PIWIL2: variants seen among roughly 807,000 people sequenced by gnomAD.
PIWIL2 encodes the protein piwi-like protein 2.
In PIWIL2, 81 loss-of-function variants were observed where a neutral mutation model predicts 116.5. That is an observed-to-expected ratio of 0.70 (90% CI 0.58 to 0.84). PIWIL2 has a LOEUF of 0.84. Ranked by LOEUF, PIWIL2 falls within the 40% of genes least tolerant of loss-of-function variation. The pLI is 0.00. For synonymous variants in PIWIL2, 489 were observed against 429.5 expected, an observed-to-expected ratio of 1.14 and a Z score of -1.71; for missense variants, 1,272 against 1,212.3, an observed-to-expected ratio of 1.05 and a Z score of -0.73.
chr8:22,300,606 A>G (rs1237198990), intron 10 of PIWIL2, among the ~76,000 whole-genome samples: 3 of 152,218 alleles, frequency 2.0e-5, no homozygotes, highest in Non-Finnish European at 4.4e-5. Context: ...GTACTGTTTT[A>G]CATTCCCACT....
intron 20 of PIWIL2, among the ~76,000 whole-genome samples, chr8:22,322,668 G>T (rs1362907967): frequency 6.6e-6 from 1 of 151,126 alleles, no homozygotes; most frequent in East Asian, 1.9e-4. Flanking sequence ...GTCCTTTTTT[G>T]TCCTGTCCTT....
chr8:22,281,180 C>A lies in PIWIL2; in HGVS notation c.259C>A (p.Pro87Thr), dbSNP rs140193081. 3.8e-4 allele frequency: 614 copies of A among 1,612,118 alleles called. No individual in the cohort carries two copies. The highest frequency in any genetic ancestry group is 4.3e-4 in the Non-Finnish European group (502 of 1,179,086). Residue 87 changes from proline (P) to threonine (T), a missense_variant, in exon 3 of 23, where the codon CCT becomes ACT. Physicochemically the swap from Pro to Thr is conservative, Grantham distance 38. Transcript: ENST00000356766. Reference protein sequence around the residue: ...GLGIETVSKTPLKREMLPSGR... With the variant: ...GLGIETVSKTTLKREMLPSGR... ...GGGCATTGAAACAGTTTCTAAGACC[C>A]CTCTGAAACGGGAAATGCTTCCATC...
rs972471027 is a variant in PIWIL2 at position 22,275,356 on chromosome 8, G to A, written c.-89G>A. On this transcript the variant is annotated 5_prime_UTR_variant, in exon 1 of 23. Coordinates refer to ENST00000356766, the MANE Select transcript of PIWIL2 (RefSeq NM_018068.5). ...TGGGTTGAGCTCGGTCTTCCCCTGAGGCCGCGCGGAGCTGGGCGACTGGGG... is the reference window on the plus strand; with the variant it reads ...TGGGTTGAGCTCGGTCTTCCCCTGAAGCCGCGCGGAGCTGGGCGACTGGGG... The A allele has an allele frequency of 6.6e-6, 1 of 152,582 alleles. No homozygotes were observed. The highest frequency in any genetic ancestry group is 2.4e-5 in the African/African-American group (1 of 41,466). 9.5% of individuals were successfully genotyped at this position (152,582 alleles called of 1,614,324 possible). A position where few individuals can be genotyped will look rare whatever the true frequency, so the allele number is the denominator to read the frequency against.
At chr8:22,346,873 C>T (rs1216861312) in intron 20 of PIWIL2, among the ~76,000 whole-genome samples, 1 of 151,728 alleles carries the variant, frequency 6.6e-6, no homozygotes, top group Non-Finnish European at 1.5e-5. Context: ...ATAGCAAGAT[C>T]CATCTCTAAG....
At chr8:22,316,777 C>T (rs997473875) in intron 19 of PIWIL2, among the ~76,000 whole-genome samples, 2 of 151,716 alleles carry the variant, frequency 1.3e-5, no homozygotes, top group Non-Finnish European at 2.9e-5. Flanking sequence ...CCATCATGCC[C>T]GGCTATGAAA....
chr8:22,308,857 A>C, intron 14 of PIWIL2, among the ~76,000 whole-genome samples: 1 of 151,924 alleles, frequency 6.6e-6, no homozygotes, highest in East Asian at 1.9e-4. Flanking sequence ...CCATGTTGCC[A>C]TGGCTGGTCT....
At chr8:22,317,050 G>T (rs956191049) in intron 19 of PIWIL2, among the ~76,000 whole-genome samples, 1 of 152,176 alleles carries the variant, frequency 6.6e-6, no homozygotes, top group African/African-American at 2.4e-5. Context: ...AAAGTGCTGG[G>T]ATTACAGGCA....
chr8:22,338,282 A>G (rs892436380), intron 20 of PIWIL2, among the ~76,000 whole-genome samples: 4 of 152,220 alleles, frequency 2.6e-5, no homozygotes, highest in African/African-American at 9.6e-5. Flanking sequence ...ACCTGCCAGA[A>G]CTAGTAAGCA....
At chr8:22,303,139 G>C (rs927925298) in intron 10 of PIWIL2, among the ~76,000 whole-genome samples, 1 of 152,188 alleles carries the variant, frequency 6.6e-6, no homozygotes, top group African/African-American at 2.4e-5. Context: ...TGAATATAAA[G>C]GGCAGCAGGA....
chr8:22,350,286 CA>C (rs201370978), intron 20 of PIWIL2, among the ~76,000 whole-genome samples: 1 of 151,656 alleles, frequency 6.6e-6, no homozygotes, highest in South Asian at 2.1e-4. Context: ...GCTGGAAAGC[CA>C]AAAAAAATTT....
chr8:22,344,461 C>G (rs1832179851), intron 20 of PIWIL2, among the ~76,000 whole-genome samples: 1 of 152,132 alleles, frequency 6.6e-6, no homozygotes, highest in African/African-American at 2.4e-5. Flanking sequence ...GAACTCTGTT[C>G]TATTGCCTCA....
At chr8:22,331,145 CAG>C (rs2132079013) in intron 20 of PIWIL2, among the ~76,000 whole-genome samples, 1 of 152,134 alleles carries the variant, frequency 6.6e-6, no homozygotes, top group Non-Finnish European at 1.5e-5. Flanking sequence ...CAATGCAGTC[CAG>C]CCTAAGCTAC....
chr8:22,277,030 TA>T (rs535828543), intron 1 of PIWIL2, among the ~76,000 whole-genome samples: 6,659 of 120,812 alleles, frequency 0.055, 267 homozygotes, highest in African/African-American at 0.13. Flanking sequence ...TATATATATA[TA>T]TATTTTTTTT....
Position 22,355,431 on chromosome 8 carries a change from C to G in PIWIL2, c.2848C>G (p.Leu950Val). Residue 950 changes from leucine to valine, a missense_variant, in exon 23 of 23, where the codon CTA becomes GTA. Physicochemically the swap from Leu to Val is conservative, Grantham distance 32 (BLOSUM62 1). Coordinates refer to ENST00000356766, the MANE Select transcript of PIWIL2 (RefSeq NM_018068.5). The stretch of plus-strand genomic sequence containing the variant: ...AGCTCCTTGCAAGTATGCCCACAAG[C>G]TAGCTTTCCTGTCAGGACACATCTT... ...VPAPCKYAHK[L>V]AFLSGHILHH... The G allele has an allele frequency of 3.7e-6, 6 of 1,614,148 alleles. No homozygotes were observed. Among genetic ancestry groups the G allele is most frequent in the Non-Finnish European group, 5.1e-6 (6 of 1,180,002 alleles).
intron 6 of PIWIL2, among the ~76,000 whole-genome samples, chr8:22,286,867 C>T (rs1355509549): frequency 1.3e-5 from 2 of 151,828 alleles, no homozygotes; most frequent in Admixed American, 1.3e-4. Context: ...AAGTGATCAC[C>T]CACCTCGGCC....
chr8:22,316,137 G>T, intron 18 of PIWIL2, 108 bp from the exon 19 acceptor site: 2 of 647,600 alleles, frequency 3.1e-6, no homozygotes, highest in Middle Eastern at 2.5e-4. Context: ...TTACTTTCAT[G>T]TATAAACAGT....
intron 6 of PIWIL2, among the ~76,000 whole-genome samples, chr8:22,285,587 A>AT (rs1186521513): frequency 2.0e-5 from 3 of 152,042 alleles, no homozygotes; most frequent in Non-Finnish European, 2.9e-5. Context: ...AAGAAGTGGG[A>AT]TTGTTGGATC....
Position 22,354,690 on chromosome 8 carries a change from A to G in PIWIL2, c.2765+312A>G, listed in dbSNP as rs149083433. Reference sequence around the variant, plus strand: ...TGAGACCCAGTGCCGTTGAGTTCAGATTATATAAATACTCCACTAGGGTAC... The same window carrying G: ...TGAGACCCAGTGCCGTTGAGTTCAGGTTATATAAATACTCCACTAGGGTAC... On this transcript the variant is annotated intron_variant, in intron 22 of 22. Transcript: ENST00000356766. Among the ~76,000 whole-genome samples the G allele has an allele frequency of 4.7e-3, 713 of 152,306 alleles. 6 individuals are homozygous for G. Among genetic ancestry groups the G allele is most frequent in the African/African-American group, 0.016 (684 of 41,556 alleles).
At chr8:22,314,280 C>T (rs1428695060) in intron 16 of PIWIL2, 48 bp from the exon 17 acceptor site, 1 of 1,025,130 alleles carries the variant, frequency 9.8e-7, no homozygotes. Context: ...CTGTAAAAGT[C>T]CCCAGAGAAT....
Sources: gnomAD v4.1 joint callset for allele counts (sites outside exome capture counted in the v4.1 genomes callset) on GRCh38, gnomAD v4.1.1 for gene constraint, MANE v1.5 for transcripts, NCBI Gene and HGNC (gene_info 2026-07-23, HGNC 2026-07-21) for gene names.